Variants in MCTP1 observed in about 807,000 individuals in gnomAD.
MCTP1 encodes the protein multiple C2 and transmembrane domain-containing protein 1.
Under a neutral mutation model 120.6 loss-of-function variants are expected in MCTP1, and 69 were observed. That is an observed-to-expected ratio of 0.57 (90% confidence interval 0.47 to 0.70). The LOEUF is 0.70. Ranked by LOEUF, MCTP1 falls within the 30% of genes least tolerant of loss-of-function variation. MCTP1 has a pLI of 0.00. For missense variants in MCTP1, 1,203 were observed against 1,248.8 expected (o/e 0.96, Z 0.55); for synonymous variants, 529 against 493.1 (o/e 1.07, Z -0.96).
chr5:95,140,996 A>G (rs760763924), intron 1 of MCTP1, among the ~76,000 whole-genome samples: 2 of 152,114 alleles, frequency 1.3e-5, no homozygotes, highest in Non-Finnish European at 2.9e-5. Context: ...GAGGAGGCAT[A>G]AGACAAGTCC....
Position 95,161,663 on chromosome 5 carries a change from T to A in MCTP1, c.720+122193A>T, listed in dbSNP as rs537875174. ...TTAATCATTCCACATTGTAAACATA[T>A]ATGGAAACATCACTTTGTACCCCAT... On this transcript the variant is annotated intron_variant, in intron 1 of 22. Coordinates refer to ENST00000515393, the MANE Select transcript of MCTP1 (RefSeq NM_024717.7). Among the ~76,000 whole-genome samples the A allele has an allele frequency of 7.2e-4, 110 of 152,250 alleles. No homozygotes were observed. In the East Asian group the frequency reaches 0.014, roughly 19 times the overall value.
chr5:95,185,847 G>A (rs115276818), intron 1 of MCTP1, among the ~76,000 whole-genome samples: 3,876 of 151,956 alleles, frequency 0.026, 166 homozygotes, highest in African/African-American at 0.089. Context: ...AAAATAAGCC[G>A]GACATGGTGG....
intron 1 of MCTP1, among the ~76,000 whole-genome samples, chr5:95,143,796 A>T (rs1760138362): frequency 6.6e-6 from 1 of 152,126 alleles, no homozygotes; most frequent in Admixed American, 6.5e-5. Context: ...TTCTTTATCC[A>T]GTCCACTGTT....
At chr5:94,811,423 G>A (rs771215522) in intron 17 of MCTP1, among the ~76,000 whole-genome samples, 10 of 152,086 alleles carry the variant, frequency 6.6e-5, no homozygotes, top group Admixed American at 1.3e-4. Context: ...CAAGCAAGCC[G>A]AACTCCAACT....
intron 1 of MCTP1, among the ~76,000 whole-genome samples, chr5:95,122,714 T>G (rs1170312780): frequency 1.3e-5 from 2 of 152,200 alleles, no homozygotes; most frequent in Non-Finnish European, 2.9e-5. Context: ...GATTACAGCA[T>G]TATTCACAAT....
intron 1 of MCTP1, among the ~76,000 whole-genome samples, chr5:95,267,068 T>C (rs1261672326): frequency 6.6e-6 from 1 of 152,172 alleles, no homozygotes. Context: ...TGGCTATACA[T>C]GGAAATATAA....
At chr5:95,192,563 C>A (rs1749939224) in intron 1 of MCTP1, among the ~76,000 whole-genome samples, 1 of 151,824 alleles carries the variant, frequency 6.6e-6, no homozygotes, top group South Asian at 2.1e-4. Context: ...AGGTAGGATA[C>A]AATAAAAGGG....
At chr5:95,280,118 T>C (rs1263527120) in intron 1 of MCTP1, among the ~76,000 whole-genome samples, 2 of 152,268 alleles carry the variant, frequency 1.3e-5, no homozygotes, top group East Asian at 1.9e-4. Context: ...TTGTTAAATA[T>C]GTGCTTTATT....
chr5:95,107,403 T>G (rs1469423807), intron 1 of MCTP1, among the ~76,000 whole-genome samples: 1 of 152,140 alleles, frequency 6.6e-6, no homozygotes, highest in East Asian at 1.9e-4. Context: ...AAGAGACATT[T>G]CCCAAAGATG....
At chr5:95,270,597 C>T (rs1759295585) in intron 1 of MCTP1, among the ~76,000 whole-genome samples, 1 of 151,992 alleles carries the variant, frequency 6.6e-6, no homozygotes, top group Non-Finnish European at 1.5e-5. Flanking sequence ...TGGGGAGGAA[C>T]TCATCAGCAA....
At chr5:94,952,001 A>AATG (rs1163581575) in intron 3 of MCTP1, among the ~76,000 whole-genome samples, 1 of 151,510 alleles carries the variant, frequency 6.6e-6, no homozygotes, top group Non-Finnish European at 1.5e-5. Context: ...GTGAAATGCC[A>AATG]TCTCTACTAA....
intron 1 of MCTP1, among the ~76,000 whole-genome samples, chr5:95,165,804 C>T (rs548351380): frequency 3.3e-5 from 5 of 152,292 alleles, no homozygotes; most frequent in African/African-American, 7.2e-5. Context: ...TGATTCTGCC[C>T]GGCTGTTTCC....
At chr5:94,770,313 T>C (rs1165903363) in intron 19 of MCTP1, among the ~76,000 whole-genome samples, 1 of 152,200 alleles carries the variant, frequency 6.6e-6, no homozygotes, top group Non-Finnish European at 1.5e-5. Flanking sequence ...GACACACTGC[T>C]ATTTCGAGAG....
chr5:94,714,401 A>G (rs1275227224), intron 20 of MCTP1, among the ~76,000 whole-genome samples: 1 of 152,158 alleles, frequency 6.6e-6, no homozygotes, highest in Non-Finnish European at 1.5e-5. Context: ...CCAATAGTAA[A>G]ATACAGGTGT....
intron 1 of MCTP1, among the ~76,000 whole-genome samples, chr5:95,251,105 A>C (rs866379599): frequency 3.9e-5 from 6 of 152,146 alleles, no homozygotes; most frequent in Admixed American, 2.6e-4. Context: ...GGACAGAGAC[A>C]AGTGCTATAA....
chr5:94,878,542 C>T (rs1365636847), intron 12 of MCTP1, among the ~76,000 whole-genome samples: 4 of 151,578 alleles, frequency 2.6e-5, no homozygotes, highest in African/African-American at 9.7e-5. Context: ...TTGTAATGTC[C>T]TTTTTACTAT....
chr5:94,879,272 C>T (rs971403335), intron 12 of MCTP1, among the ~76,000 whole-genome samples: 1 of 152,058 alleles, frequency 6.6e-6, no homozygotes, highest in African/African-American at 2.4e-5. Context: ...CTTAGACAAT[C>T]ATGAAACAGA....
intron 1 of MCTP1, among the ~76,000 whole-genome samples, chr5:95,250,734 C>T (rs1237440838): frequency 2.6e-5 from 4 of 152,086 alleles, no homozygotes; most frequent in Non-Finnish European, 5.9e-5. Context: ...ATACTTAGCA[C>T]AAAAATGCTT....
At chr5:95,082,865 G>C (rs1308261739) in intron 1 of MCTP1, among the ~76,000 whole-genome samples, 1 of 152,034 alleles carries the variant, frequency 6.6e-6, no homozygotes, top group Non-Finnish European at 1.5e-5. Context: ...GTCTTCAGGT[G>C]GTGGTTCAAA....
Sources: gnomAD v4.1 joint callset for allele counts (sites outside exome capture counted in the v4.1 genomes callset) on GRCh38, gnomAD v4.1.1 for gene constraint, MANE v1.5 for transcripts, NCBI Gene and HGNC (gene_info 2026-07-23, HGNC 2026-07-21) for gene names.